The following PPM1E variants were observed in gnomAD, a reference collection of about 807,000 sequenced individuals.
PPM1E encodes protein phosphatase, Mg2+/Mn2+ dependent 1E.
Under a neutral mutation model 65.9 loss-of-function variants are expected in PPM1E, and 20 were observed. The observed-to-expected ratio is 0.30, with a 90% confidence interval of 0.21 to 0.44. The LOEUF is 0.44. Among genes scored for constraint, PPM1E ranks in the 20% least tolerant of loss-of-function variants. The pLI is 1.00. For synonymous variants in PPM1E, 352 were observed against 374.9 expected (o/e 0.94, Z 0.70); for missense variants, 713 against 953.1 (o/e 0.75, Z 3.32).
chr17:58,968,138 A>G (rs985066757), intron 3 of PPM1E, among the ~76,000 whole-genome samples: 3 of 152,070 alleles, frequency 2.0e-5, no homozygotes, highest in African/African-American at 4.8e-5. Context: ...TCCGTCCTTC[A>G]TGTCATTAAA....
At position 58,756,336 on chromosome 17, in the gene PPM1E, C is replaced by T; in HGVS notation, c.339C>T (p.Ala113=). 7.2e-7 allele frequency: 1 copy of T among 1,392,090 alleles called. No individual in the cohort carries two copies. Among genetic ancestry groups the T allele is most frequent in the South Asian group, 1.7e-5 (1 of 57,472 alleles). The allele number at this position is 1,392,090 out of a possible 1,614,324, so 86.2% of individuals were successfully genotyped here. The part of the protein sequence containing the change: ...ATAAAAPGHS[A]VPPPPPQLPP... ...CGGCGGCAGCCCCGGGGCACTCGGC[C>T]GTGCCGCCGCCGCCGCCCCAGCTGC... The change falls in exon 1 of 7, where the codon GCC becomes GCT. Residue 113 remains alanine (A), a synonymous_variant. Transcript: ENST00000308249.
At chr17:58,771,490 G>A (rs1290330476) in intron 1 of PPM1E, among the ~76,000 whole-genome samples, 4 of 151,848 alleles carry the variant, frequency 2.6e-5, no homozygotes, top group Non-Finnish European at 4.4e-5. Context: ...CAGATGTGGT[G>A]ACGGGCGCCT....
In PPM1E at chr17:58,800,004, A is replaced by G. The variant is rs1177786069; in HGVS notation, c.464+43543A>G. Among the ~76,000 whole-genome samples, 3 of 152,242 alleles carry G rather than the reference A, an allele frequency of 2.0e-5. No individual in the cohort carries two copies. The East Asian group carries it at 5.8e-4, about 29-fold the overall frequency. The stretch of plus-strand genomic sequence containing the variant: ...AAATTAAGTTTTCTGTTTCTACAAC[A>G]TTCCTGGTAGGAATATGAATGGGAT... On this transcript the variant is annotated intron_variant, in intron 1 of 6. Coordinates refer to ENST00000308249, the MANE Select transcript of PPM1E (RefSeq NM_014906.5).
intron 1 of PPM1E, among the ~76,000 whole-genome samples, chr17:58,857,260 AT>A (rs571669673): frequency 4.1e-4 from 61 of 148,472 alleles, no homozygotes; most frequent in African/African-American, 9.1e-4. Context: ...TGAATGGAAG[AT>A]TTTTTTTTTT....
At chr17:58,959,714 A>G (rs1238613969) in intron 2 of PPM1E, among the ~76,000 whole-genome samples, 1 of 151,908 alleles carries the variant, frequency 6.6e-6, no homozygotes, top group African/African-American at 2.4e-5. Flanking sequence ...TATATTGAGT[A>G]CAGCAGTTAA....
intron 1 of PPM1E, among the ~76,000 whole-genome samples, chr17:58,930,947 C>T (rs1164096573): frequency 6.6e-6 from 1 of 151,428 alleles, no homozygotes; most frequent in Non-Finnish European, 1.5e-5. Context: ...GGTGTGGTGG[C>T]TTAAGCCTGT....
chr17:58,801,845 C>T (rs1040170008), intron 1 of PPM1E, among the ~76,000 whole-genome samples: 11 of 152,012 alleles, frequency 7.2e-5, no homozygotes, highest in Non-Finnish European at 1.5e-4. Context: ...CATTTTCCGC[C>T]TTCTGGGTTT....
intron 1 of PPM1E, among the ~76,000 whole-genome samples, chr17:58,891,318 TTTA>T (rs925755945): frequency 6.6e-6 from 1 of 151,450 alleles, no homozygotes; most frequent in Admixed American, 6.6e-5. Flanking sequence ...TGCAAATGGA[TTTA>T]TTATTATTAT....
rs545916345 is a variant in PPM1E, at chr17:58,879,578, G to C, written c.465-76071G>C. On this transcript the variant is annotated intron_variant, in intron 1 of 6. Transcript: ENST00000308249. Reference sequence around the variant, plus strand: ...AGGCTGGAGTGCGGTGATGCTTGTCGGCTCACTGCAAGCTCCGCCTCCCGG... The same window carrying C: ...AGGCTGGAGTGCGGTGATGCTTGTCCGCTCACTGCAAGCTCCGCCTCCCGG... Among the ~76,000 whole-genome samples the C allele has an allele frequency of 3.4e-4, 47 of 137,344 alleles. No individual in the cohort carries two copies. In the South Asian group the frequency reaches 1.0e-2, roughly 29 times the overall value. 90.1% of individuals were successfully genotyped at this position (137,344 alleles called of 152,430 possible).
intron 3 of PPM1E, among the ~76,000 whole-genome samples, chr17:58,966,887 GTT>G (rs2030289348): frequency 6.6e-6 from 1 of 152,172 alleles, no homozygotes; most frequent in Non-Finnish European, 1.5e-5. Flanking sequence ...ATGATGGCAG[GTT>G]GGTAATTGGT....
chr17:58,900,653 A>G (rs1259036482), intron 1 of PPM1E, among the ~76,000 whole-genome samples: 1 of 152,166 alleles, frequency 6.6e-6, no homozygotes, highest in East Asian at 1.9e-4. Flanking sequence ...TTATTGTGGT[A>G]ACCTGGAGCT....
chr17:58,816,771 TATATATATATATATATATATATA>T (rs1360161124), intron 1 of PPM1E, among the ~76,000 whole-genome samples: 1,188 of 16,940 alleles, frequency 0.07, 20 homozygotes, highest in African/African-American at 0.084. Context: ...TATATATATA[TATATATATATATATATATATATA>T]TTTTTTTTTT....
At chr17:58,851,075 G>A (rs12941457) in intron 1 of PPM1E, among the ~76,000 whole-genome samples, 45,143 of 151,938 alleles carry the variant, frequency 0.3, 7,186 homozygotes, top group Middle Eastern at 0.48. Context: ...ATCGGCTACC[G>A]AAGCTTGTGC....
chr17:58,836,226 A>T (rs1466070617), intron 1 of PPM1E, among the ~76,000 whole-genome samples: 2 of 152,100 alleles, frequency 1.3e-5, no homozygotes, highest in Non-Finnish European at 2.9e-5. Context: ...CAAGACTACT[A>T]ACTTTATCTT....
chr17:58,794,690 C>A (rs1301729017), intron 1 of PPM1E, among the ~76,000 whole-genome samples: 1 of 151,994 alleles, frequency 6.6e-6, no homozygotes, highest in African/African-American at 2.4e-5. Flanking sequence ...TGTGTAAGTT[C>A]GCTTAGGATA....
At chr17:58,967,337 G>GTCC (rs1342553027) in intron 3 of PPM1E, among the ~76,000 whole-genome samples, 1 of 151,988 alleles carries the variant, frequency 6.6e-6, no homozygotes, top group East Asian at 1.9e-4. Flanking sequence ...TCATGAAAGG[G>GTCC]AATGATAACT....
At chr17:58,795,831 T>C (rs1295295870) in intron 1 of PPM1E, among the ~76,000 whole-genome samples, 2 of 152,226 alleles carry the variant, frequency 1.3e-5, no homozygotes, top group East Asian at 3.8e-4. Context: ...TACATGTATG[T>C]CTTTTTTTGA....
At chr17:58,902,149 G>GA (rs896720008) in intron 1 of PPM1E, among the ~76,000 whole-genome samples, 1 of 151,662 alleles carries the variant, frequency 6.6e-6, no homozygotes, top group South Asian at 2.1e-4. Flanking sequence ...AGGTAAAGGA[G>GA]AAAAAATTAA....
intron 1 of PPM1E, among the ~76,000 whole-genome samples, chr17:58,858,395 T>G (rs944449945): frequency 6.6e-6 from 1 of 152,180 alleles, no homozygotes; most frequent in South Asian, 2.1e-4. Flanking sequence ...TACAGAACAG[T>G]AGAACTTACT....
Sources: gnomAD v4.1 joint callset for allele counts (sites outside exome capture counted in the v4.1 genomes callset) on GRCh38, gnomAD v4.1.1 for gene constraint, MANE v1.5 for transcripts, NCBI Gene and HGNC (gene_info 2026-07-23, HGNC 2026-07-21) for gene names.